RHOA: variants seen among roughly 807,000 people sequenced by gnomAD.
RHOA encodes ras homolog family member A, also known as transforming protein RhoA.
A neutral mutation model predicts 17.5 loss-of-function variants in RHOA; 3 were observed. The observed-to-expected ratio is 0.17, with a 90% CI of 0.08 to 0.44. The LOEUF is 0.44. Among genes scored for constraint, RHOA ranks in the 20% least tolerant of loss-of-function variants. The pLI is 0.99. For synonymous variants in RHOA, 98 were observed against 88.4 expected (o/e 1.11, Z -0.61); for missense variants, 56 against 242.3 (o/e 0.23, Z 5.10).
At chr3:49,394,156 C>T (rs2048573179) in intron 1 of RHOA, among the ~76,000 whole-genome samples, 1 of 152,152 alleles carries the variant, frequency 6.6e-6, no homozygotes, top group South Asian at 2.1e-4. Context: ...AGGTGTGAGC[C>T]ACCGCCCCCG....
intron 1 of RHOA, among the ~76,000 whole-genome samples, chr3:49,399,369 C>CAAA (rs11400251): frequency 1.6e-5 from 2 of 125,670 alleles, no homozygotes. Flanking sequence ...GACTCTGTCT[C>CAAA]AAAAAAAAAA....
intron 1 of RHOA, among the ~76,000 whole-genome samples, chr3:49,383,403 G>C (rs2048348282): frequency 7.0e-6 from 1 of 143,206 alleles, no homozygotes; most frequent in Admixed American, 7.4e-5. Context: ...CTGGTCTATA[G>C]AGCGAGAATC....
chr3:49,383,197 G>A (rs897481234), intron 1 of RHOA, among the ~76,000 whole-genome samples: 1 of 152,030 alleles, frequency 6.6e-6, no homozygotes, highest in Non-Finnish European at 1.5e-5. Flanking sequence ...ACTTTGGGAG[G>A]CCGAGGCGGG....
intron 1 of RHOA, among the ~76,000 whole-genome samples, chr3:49,377,868 G>A (rs62259941): frequency 0.052 from 7,938 of 151,858 alleles, 293 homozygotes; most frequent in South Asian, 0.13. Flanking sequence ...CTCTTTTTGG[G>A]CTGGGCACGG....
At chr3:49,410,295 ACTCAGTTTG>A (rs1414042552) in intron 1 of RHOA, among the ~76,000 whole-genome samples, 11 of 152,148 alleles carry the variant, frequency 7.2e-5, no homozygotes, top group Non-Finnish European at 1.5e-4. Context: ...AGTCTCTGGG[ACTCAGTTTG>A]CTCATCTGCA....
intron 1 of RHOA, among the ~76,000 whole-genome samples, chr3:49,406,419 A>T (rs960266687): frequency 3.9e-5 from 6 of 152,208 alleles, no homozygotes; most frequent in African/African-American, 1.4e-4. Context: ...TGAAGTCAAA[A>T]CAAGCAACTT....
intron 1 of RHOA, among the ~76,000 whole-genome samples, chr3:49,387,028 A>T (rs2048406990): frequency 7.0e-6 from 1 of 142,818 alleles, no homozygotes; most frequent in South Asian, 2.3e-4. Context: ...GAGGCAGGAG[A>T]ACCGCTTGAA....
At position 49,402,454 on chromosome 3, in the gene RHOA, G is replaced by A. The variant is rs1337508971; in HGVS notation, c.-3+9366C>T. On this transcript the variant is annotated intron_variant, in intron 1 of 4. Coordinates refer to ENST00000418115, the MANE Select transcript of RHOA (RefSeq NM_001664.4). ...ACCTATAATCCCACCACTTTGCGAG[G>A]CCAGAGCTCAGGAGTTAGAGACCAG... Among the ~76,000 whole-genome samples the A allele has an allele frequency of 2.0e-5, 3 of 152,158 alleles. No individual in the cohort carries two copies. In the East Asian group the frequency reaches 5.8e-4, roughly 29 times the overall value.
intron 1 of RHOA, among the ~76,000 whole-genome samples, chr3:49,407,687 A>G (rs1463400790): frequency 1.3e-5 from 2 of 152,026 alleles, no homozygotes; most frequent in African/African-American, 4.8e-5. Context: ...ATGACTTCTA[A>G]TCTCAGAACA....
rs368767616 is a variant in RHOA, at chr3:49,362,574, C to T, written c.330G>A (p.Val110=). 1 of 1,613,554 alleles carries T rather than the reference C, an allele frequency of 6.2e-7. No homozygotes were observed. Among genetic ancestry groups the T allele is most frequent in the Non-Finnish European group, 8.5e-7 (1 of 1,179,704 alleles). The change falls in exon 4 of 5, where the codon GTG becomes GTA. Residue 110 remains valine, a synonymous_variant. Transcript: ENST00000418115. ...TCTTATTCCCAACCAGGATGATGGGCACGTTGGGACAGAAATGCTTGACTT... is the reference window on the plus strand; with the variant it reads ...TCTTATTCCCAACCAGGATGATGGGTACGTTGGGACAGAAATGCTTGACTT... ...TPEVKHFCPN[V]PIILVGNKKD... is the part of the protein sequence containing the mutation.
chr3:49,402,910 G>A (rs1374300851), intron 1 of RHOA, among the ~76,000 whole-genome samples: 3 of 151,814 alleles, frequency 2.0e-5, no homozygotes, highest in Admixed American at 6.6e-5. Context: ...GGTGGCGGGT[G>A]CCTGTAGTTC....
chr3:49,386,461 C>G (rs2048396941), intron 1 of RHOA, among the ~76,000 whole-genome samples: 1 of 152,202 alleles, frequency 6.6e-6, no homozygotes, highest in Admixed American at 6.5e-5. Context: ...AATGAAGAAA[C>G]TGAGTATGGA....
intron 2 of RHOA, among the ~76,000 whole-genome samples, chr3:49,373,973 G>A (rs933179867): frequency 3.3e-5 from 5 of 152,004 alleles, no homozygotes; most frequent in Admixed American, 6.6e-5. Flanking sequence ...AGGGCTTTTA[G>A]GACAGAAATG....
At chr3:49,382,154 C>A (rs1400278189) in intron 1 of RHOA, among the ~76,000 whole-genome samples, 3 of 150,902 alleles carry the variant, frequency 2.0e-5, no homozygotes, top group Non-Finnish European at 4.4e-5. Context: ...CCCGTCTCTA[C>A]TAAAAATACA....
intron 1 of RHOA, among the ~76,000 whole-genome samples, chr3:49,405,726 G>C (rs1270141017): frequency 3.9e-5 from 6 of 152,020 alleles, no homozygotes; most frequent in African/African-American, 1.4e-4. Flanking sequence ...GTTTCGCTCT[G>C]TTGCCCGGGC....
intron 1 of RHOA, among the ~76,000 whole-genome samples, chr3:49,398,660 C>G (rs58976085): frequency 3.4e-5 from 5 of 148,534 alleles, no homozygotes; most frequent in African/African-American, 1.2e-4. Context: ...CCCGTCTCTA[C>G]TAAAAGAAAA....
intron 1 of RHOA, among the ~76,000 whole-genome samples, chr3:49,404,176 A>G (rs979313678): frequency 6.8e-6 from 1 of 146,056 alleles, no homozygotes; most frequent in Non-Finnish European, 1.5e-5. Context: ...TGGCACATAC[A>G]CCTGTAGTCC....
chr3:49,369,589 G>GCCAGGCACGGCAGCGTGCGCCTGTAGTC (rs1245721927), intron 2 of RHOA, among the ~76,000 whole-genome samples: 1 of 151,396 alleles, frequency 6.6e-6, no homozygotes, highest in African/African-American at 2.4e-5. Context: ...AAAGAAATTA[G>GCCAGGCACGGCAGCGTGCGCCTGTAGTC]CCAGGCACGG....
chr3:49,400,802 T>C (rs1311375840), intron 1 of RHOA, among the ~76,000 whole-genome samples: 2 of 151,754 alleles, frequency 1.3e-5, no homozygotes, highest in African/African-American at 2.4e-5. Flanking sequence ...TTCCAGCACT[T>C]TGGGAGGCCG....
Sources: gnomAD v4.1 joint callset for allele counts (sites outside exome capture counted in the v4.1 genomes callset) on GRCh38, gnomAD v4.1.1 for gene constraint, MANE v1.5 for transcripts, NCBI Gene and HGNC (gene_info 2026-07-23, HGNC 2026-07-21) for gene names.